WDR59: variants seen among roughly 807,000 people sequenced by gnomAD.
The protein encoded by WDR59 is WD repeat domain 59.
Under a neutral mutation model 131.2 loss-of-function variants are expected in WDR59, and 100 were observed. That is an observed-to-expected ratio of 0.76 (90% CI 0.65 to 0.90). The LOEUF is 0.90. Ranked by LOEUF, WDR59 falls within the 40% of genes least tolerant of loss-of-function variation. WDR59 has a pLI of 0.00. For missense variants in WDR59, 1,203 were observed against 1,262.2 expected (o/e 0.95, Z 0.71); for synonymous variants, 601 against 466.2 (o/e 1.29, Z -3.72).
chr16:74,886,707 G>A (rs1964782361), intron 23 of WDR59, among the ~76,000 whole-genome samples: 1 of 152,118 alleles, frequency 6.6e-6, no homozygotes, highest in African/African-American at 2.4e-5. Context: ...ATCACCTGAG[G>A]TCAGAGGTTT....
At chr16:74,984,433 C>A (rs1327143582) in intron 1 of WDR59, among the ~76,000 whole-genome samples, 2 of 152,152 alleles carry the variant, frequency 1.3e-5, no homozygotes, top group Non-Finnish European at 2.9e-5. Context: ...TCGGGCAACA[C>A]GTGCAGTGTC....
intron 17 of WDR59, among the ~76,000 whole-genome samples, chr16:74,906,266 ATCCAGTCAATACAC>A (rs1176131225): frequency 7.2e-6 from 1 of 138,236 alleles, no homozygotes; most frequent in Admixed American, 7.8e-5. Flanking sequence ...GTGAGCTGAG[ATCCAGTCAATACAC>A]TCCAGCCTGA....
In WDR59 at chr16:74,892,480, A is replaced by G. The variant is rs1273748214; in HGVS notation, c.2082+4T>C. 6.2e-7 allele frequency: 1 copy of G among 1,613,302 alleles called. No individual in the cohort carries two copies. The highest frequency in any genetic ancestry group is 1.3e-5 in the African/African-American group (1 of 75,050). On this transcript the variant is annotated splice_donor_region_variant and intron_variant, in intron 20 of 25. Coordinates refer to ENST00000262144, the MANE Select transcript of WDR59 (RefSeq NM_030581.4). Reference sequence around the variant, plus strand: ...AAATCTCCACCAAAAGGGATGGACAATACCTGGACAAGATCCTTTCTTCCA... The same window carrying G: ...AAATCTCCACCAAAAGGGATGGACAGTACCTGGACAAGATCCTTTCTTCCA...
chr16:74,977,434 A>C (rs1355613298), intron 1 of WDR59, among the ~76,000 whole-genome samples: 2 of 152,192 alleles, frequency 1.3e-5, no homozygotes, highest in East Asian at 3.9e-4. Flanking sequence ...CGCGTCTGTA[A>C]TCCCAGCACT....
At chr16:74,921,232 T>C (rs781295662) in intron 10 of WDR59, among the ~76,000 whole-genome samples, 8 of 152,076 alleles carry the variant, frequency 5.3e-5, no homozygotes, top group Middle Eastern at 3.4e-3. Flanking sequence ...TTTTTTCTGA[T>C]CCTCTCCCCC....
intron 17 of WDR59, chr16:74,908,654 A>G (rs1965934211): frequency 2.4e-5 from 9 of 382,612 alleles, no homozygotes; most frequent in South Asian, 1.2e-4. Context: ...GCACATTTAA[A>G]AAGAATTTGC....
At chr16:74,939,728 C>T (rs1336386166) in intron 7 of WDR59, among the ~76,000 whole-genome samples, 1 of 152,066 alleles carries the variant, frequency 6.6e-6, no homozygotes, top group Non-Finnish European at 1.5e-5. Flanking sequence ...GTGGCTCACA[C>T]CTATAATCCC....
chr16:74,977,342 C>A (rs188363816), intron 1 of WDR59, among the ~76,000 whole-genome samples: 6 of 152,064 alleles, frequency 3.9e-5, no homozygotes, highest in Admixed American at 3.9e-4. Flanking sequence ...ATATATATAA[C>A]CATACAGAAC....
Sources: allele counts gnomAD v4.1 joint callset (sites outside exome capture counted in the v4.1 genomes callset), GRCh38; gene constraint gnomAD v4.1.1; transcripts MANE v1.5; gene names NCBI Gene and HGNC (gene_info 2026-07-23, HGNC 2026-07-21).